ADCY9: variants seen among roughly 807,000 people sequenced by gnomAD.
ADCY9 encodes adenylate cyclase type 9.
A neutral mutation model predicts 101.5 loss-of-function variants in ADCY9; 50 were observed. The ratio of observed to expected loss-of-function variants is 0.49; its 90% CI spans 0.39 to 0.62. The LOEUF is 0.62. ADCY9 is among the 20% of genes least tolerant of loss of function. The probability of loss-of-function intolerance (pLI) is 0.00; values close to 1 mark genes in which losing one functional copy is unlikely to be tolerated. For missense variants in ADCY9, 1,662 were observed against 1,800.4 expected (o/e 0.92, Z 1.39); for synonymous variants, 905 against 769.3 (o/e 1.18, Z -2.92).
chr16:3,984,692 G>A (rs559866095), intron 6 of ADCY9, among the ~76,000 whole-genome samples: 9 of 152,358 alleles, frequency 5.9e-5, no homozygotes, highest in South Asian at 2.1e-4. Context: ...GTGGTTGGGA[G>A]AGGAAGGGAT....
chr16:4,102,269 C>T (rs1386219512), intron 2 of ADCY9, among the ~76,000 whole-genome samples: 1 of 152,058 alleles, frequency 6.6e-6, no homozygotes, highest in Non-Finnish European at 1.5e-5. Context: ...AATTGCAGCG[C>T]CCCTAGGTAG....
At position 4,025,666 on chromosome 16, in the gene ADCY9, G is replaced by C. The variant is rs1211676611; in HGVS notation, c.1694-18108C>G. Among the ~76,000 whole-genome samples the C allele has an allele frequency of 2.0e-5, 3 of 152,228 alleles. No homozygotes were observed. The East Asian group carries it at 5.8e-4, about 29-fold the overall frequency. On this transcript the variant is annotated intron_variant, in intron 2 of 10. Coordinates refer to ENST00000294016, the MANE Select transcript of ADCY9 (RefSeq NM_001116.4). ...GGGCGGAGGTCCTGTGCCATGTCCT[G>C]CACTGACCAGGGCAGCCCACGGGAA...
rs1252956686 is a variant in ADCY9, at chr16:3,989,116, C to T, written c.2208-20G>A. On this transcript the variant is annotated intron_variant, in intron 5 of 10. Transcript: ENST00000294016. ...ATCAGGCTAGAAGACACAACAAATG[C>T]AGTCGATCAATACCCAGCACCATAA... 23 of 1,554,858 alleles carry T rather than the reference C, an allele frequency of 1.5e-5. No individual in the cohort carries two copies. In the East Asian group the frequency reaches 4.3e-4, roughly 29 times the overall value.
At chr16:3,984,819 C>G (rs905886627) in intron 6 of ADCY9, among the ~76,000 whole-genome samples, 44 of 152,204 alleles carry the variant, frequency 2.9e-4, no homozygotes, top group African/African-American at 9.2e-4. Context: ...GAGCTGGAGA[C>G]GCACGGAGCG....
At chr16:4,053,045 T>C (rs1010591702) in intron 2 of ADCY9, among the ~76,000 whole-genome samples, 6 of 152,236 alleles carry the variant, frequency 3.9e-5, no homozygotes, top group African/African-American at 1.4e-4. Context: ...GCCTATTACA[T>C]GCGTGGCATA....
At chr16:4,064,042 A>C (rs2056787076) in intron 2 of ADCY9, among the ~76,000 whole-genome samples, 1 of 152,218 alleles carries the variant, frequency 6.6e-6, no homozygotes. Flanking sequence ...GAAAATCTTC[A>C]GGAGTCTACA....
Position 3,965,599 on chromosome 16 carries a change from A to G in ADCY9, c.*176T>C. On this transcript the variant is annotated 3_prime_UTR_variant, in exon 11 of 11. Transcript: ENST00000294016. Reference sequence around the variant, plus strand: ...TCCAGGGAAGGGAGCGAAAGGGAAGAATGGATGAAAATGAACCCTGAATAA... The same window carrying G: ...TCCAGGGAAGGGAGCGAAAGGGAAGGATGGATGAAAATGAACCCTGAATAA... 1.5e-6 allele frequency: 1 copy of G among 646,468 alleles called. No individual in the cohort carries two copies. Among genetic ancestry groups the G allele is most frequent in the Non-Finnish European group, 2.6e-6 (1 of 379,534 alleles). The allele number at this position is 646,468 out of a possible 1,614,324, so 40.0% of individuals were successfully genotyped here.
At chr16:4,030,901 G>C (rs758789712) in intron 2 of ADCY9, among the ~76,000 whole-genome samples, 8 of 152,092 alleles carry the variant, frequency 5.3e-5, no homozygotes, top group Non-Finnish European at 8.8e-5. Context: ...TGTTCCTTTT[G>C]TGATAATTCT....
chr16:4,057,065 C>A (rs2056744844), intron 2 of ADCY9, among the ~76,000 whole-genome samples: 1 of 137,030 alleles, frequency 7.3e-6, no homozygotes, highest in Non-Finnish European at 1.5e-5. Context: ...CAATCTTACT[C>A]TTCTGTTATT....
chr16:4,068,472 G>T (rs2056813541), intron 2 of ADCY9, among the ~76,000 whole-genome samples: 1 of 151,976 alleles, frequency 6.6e-6, no homozygotes, highest in East Asian at 1.9e-4. Context: ...CTATTTTATG[G>T]AAAATGAGAT....
chr16:4,115,003 G>A lies in ADCY9; in HGVS notation c.440C>T (p.Ala147Val), dbSNP rs774411935. 3.7e-6 allele frequency: 6 copies of A among 1,613,990 alleles called. No individual in the cohort carries two copies. Among genetic ancestry groups the A allele is most frequent in the Non-Finnish European group, 5.1e-6 (6 of 1,180,050 alleles). Residue 147 changes from alanine to valine, a missense_variant, in exon 2 of 11, where the codon GCC becomes GTC. Ala to Val is a moderately conservative substitution (Grantham distance 64). This residue lies in a region of ADCY9 where 422 missense variants were observed against 392.0 expected (regional missense o/e 1.08). Coordinates refer to ENST00000294016, the MANE Select transcript of ADCY9 (RefSeq NM_001116.4). The surrounding 1 kb of genome is among the most constrained non-coding windows in gnomAD (Gnocchi z 6.2). Reference protein sequence around the residue: ...HMRSRLIVMVAPALCFLLVCV... With the variant: ...HMRSRLIVMVVPALCFLLVCV... Reference sequence around the variant, plus strand: ...CACCAGGAGGAAGCACAGCGCGGGGGCGACCATGACGATCAGTCTGGATCT... The same window carrying A: ...CACCAGGAGGAAGCACAGCGCGGGGACGACCATGACGATCAGTCTGGATCT...
chr16:3,955,296 G>A (rs2141661011), intron 5 of ADCY9, among the ~76,000 whole-genome samples: 1 of 151,576 alleles, frequency 6.6e-6, no homozygotes, highest in African/African-American at 2.4e-5. Flanking sequence ...AGGTGGAGGA[G>A]AGAGGACCAC....
chr16:4,027,906 C>G (rs2056528759), intron 2 of ADCY9, among the ~76,000 whole-genome samples: 1 of 151,550 alleles, frequency 6.6e-6, no homozygotes, highest in African/African-American at 2.4e-5. Context: ...AAAAACCCAT[C>G]AGATCTCGTG....
chr16:3,965,495 A>G lies in ADCY9; in HGVS notation c.*280T>C. ...ATCTCCACTGGCGGCCTCTGTCCCGAGACTCGAGGCCGAGGCCAGCCCTGA... is the reference window on the plus strand; with the variant it reads ...ATCTCCACTGGCGGCCTCTGTCCCGGGACTCGAGGCCGAGGCCAGCCCTGA... On this transcript the variant is annotated 3_prime_UTR_variant, in exon 11 of 11. Coordinates refer to ENST00000294016, the MANE Select transcript of ADCY9 (RefSeq NM_001116.4). 2.1e-6 allele frequency: 1 copy of G among 481,284 alleles called. No homozygotes were observed. Among genetic ancestry groups the G allele is most frequent in the Non-Finnish European group, 3.7e-6 (1 of 272,436 alleles). 29.8% of individuals were successfully genotyped at this position (481,284 alleles called of 1,614,324 possible).
At chr16:4,082,839 C>T (rs2056913927) in intron 2 of ADCY9, among the ~76,000 whole-genome samples, 1 of 152,292 alleles carries the variant, frequency 6.6e-6, no homozygotes, top group Admixed American at 6.5e-5. Context: ...CTTCCCTCCC[C>T]TTTCCAGTAA....
At chr16:4,010,623 A>G (rs2056397782) in intron 2 of ADCY9, among the ~76,000 whole-genome samples, 2 of 152,178 alleles carry the variant, frequency 1.3e-5, no homozygotes, top group Non-Finnish European at 2.9e-5. Context: ...CATTACCTGA[A>G]GAGGGGCCAA....
At position 4,114,821 on chromosome 16, in the gene ADCY9, T is replaced by C; in HGVS notation, c.622A>G (p.Thr208Ala). ...VSGRGDSSNL[T>A]ATARPTDTCL... ...GTATCTGTGGGCCGGGCTGTGGCCG[T>C]AAGGTTGGAGCTGTCGCCGCGTCCT... The change falls in exon 2 of 11, where the codon ACG (threonine) becomes GCG (alanine). Residue 208 changes from threonine (T) to alanine (A), a missense_variant. Transcript: ENST00000294016. The surrounding 1 kb of genome is among the most constrained non-coding windows in gnomAD (Gnocchi z 4.3). 6.2e-7 allele frequency: 1 copy of C among 1,613,310 alleles called. No individual in the cohort carries two copies. The highest frequency in any genetic ancestry group is 8.5e-7 in the Non-Finnish European group (1 of 1,180,020).
chr16:4,020,805 G>A (rs1356515700), intron 2 of ADCY9, among the ~76,000 whole-genome samples: 16 of 138,354 alleles, frequency 1.2e-4, no homozygotes, highest in Admixed American at 1.1e-3. Context: ...CAGCCTGGGC[G>A]ACAGAGCGAG....
At chr16:3,977,354 T>G in intron 9 of ADCY9, 128 bp downstream of exon 9, 2 of 1,236,490 alleles carry the variant, frequency 1.6e-6, no homozygotes, top group Non-Finnish European at 2.2e-6. Context: ...TGACAGCTAT[T>G]TTGGGTCATG....
Sources: allele counts gnomAD v4.1 joint callset (sites outside exome capture counted in the v4.1 genomes callset), GRCh38; gene constraint gnomAD v4.1.1; regional missense constraint gnomAD v4.1.1; non-coding constraint Gnocchi (gnomAD v3.1); transcripts MANE v1.5; gene names NCBI Gene and HGNC (gene_info 2026-07-23, HGNC 2026-07-21).